PLCD1: variants seen among roughly 807,000 people sequenced by gnomAD.
PLCD1 encodes the protein 1-phosphatidylinositol 4,5-bisphosphate phosphodiesterase delta-1.
In PLCD1, 71 loss-of-function variants were observed where a neutral mutation model predicts 87.4. The ratio of observed to expected loss-of-function variants is 0.81; its 90% CI spans 0.67 to 0.99. The LOEUF (loss-of-function observed/expected upper bound fraction) is 0.99, where lower values mean the gene tolerates loss of function less well. Among genes scored for constraint, PLCD1 ranks in the 50% least tolerant of loss-of-function variants. The pLI is 0.00. For missense variants in PLCD1, 867 were observed against 1,001.5 expected (o/e 0.87, Z 1.81); for synonymous variants, 348 against 399.2 (o/e 0.87, Z 1.53).
chr3:38,015,458 G>A (rs1700141217), intron 3 of PLCD1, among the ~76,000 whole-genome samples: 1 of 152,178 alleles, frequency 6.6e-6, no homozygotes, highest in African/African-American at 2.4e-5. Flanking sequence ...ACTGCTAAGG[G>A]GTACAGTGTT....
chr3:38,008,731 G>T (rs1700011446), intron 11 of PLCD1, 95 bp from the exon 12 acceptor site: 2 of 1,147,916 alleles, frequency 1.7e-6, no homozygotes, highest in Admixed American at 3.7e-5. Flanking sequence ...GGGTCACATG[G>T]TGAGTTAGCA....
intron 1 of PLCD1, among the ~76,000 whole-genome samples, chr3:38,021,497 G>A (rs1387728401): frequency 6.6e-6 from 1 of 152,112 alleles, no homozygotes; most frequent in Non-Finnish European, 1.5e-5. Context: ...CCAAAAGGAC[G>A]CCAGAGCCTT....
intron 5 of PLCD1, among the ~76,000 whole-genome samples, chr3:38,010,854 G>A (rs1045513577): frequency 6.6e-6 from 1 of 152,100 alleles, no homozygotes; most frequent in Admixed American, 6.5e-5. Context: ...TCCAGGGCAG[G>A]GACCCATCTT....
At chr3:38,024,452 T>C in intron 1 of PLCD1, 1 of 1,605,668 alleles carries the variant, frequency 6.2e-7, no homozygotes, top group African/African-American at 1.3e-5. Context: ...ACAGTGCCCC[T>C]GCCTGCGCGG....
At position 38,029,311 on chromosome 3, in the gene PLCD1, C is replaced by T. The variant is rs551075681; in HGVS notation, c.34+195G>A. On this transcript the variant is annotated intron_variant, in intron 1 of 14. Coordinates refer to ENST00000334661, the MANE Select transcript of PLCD1 (RefSeq NM_006225.4). ...GATCTCGGACAAGCCTGGAAACGCC[C>T]AGGGTCGTGCCCGGCAGTCCCACCC... Among the ~76,000 whole-genome samples, 3 of 152,052 alleles carry T rather than the reference C, an allele frequency of 2.0e-5. No individual in the cohort carries two copies. In the East Asian group the frequency reaches 5.8e-4, roughly 30 times the overall value.
chr3:38,024,271 G>A lies in PLCD1; in HGVS notation c.35-3919C>T, dbSNP rs2125551385. 7 of 1,436,044 alleles carry A rather than the reference G, an allele frequency of 4.9e-6. No individual in the cohort carries two copies. In the South Asian group the frequency reaches 7.3e-5, roughly 15 times the overall value. 89.0% of individuals were successfully genotyped at this position (1,436,044 alleles called of 1,614,324 possible). A position where few individuals can be genotyped will look rare whatever the true frequency, so the allele number is the denominator to read the frequency against. ...ATGGCCCCGCGTTAAGGGACAAGTG[G>A]TCGGCGTCCTGCTCCAGCTGCCTTC... On this transcript the variant is annotated intron_variant, in intron 1 of 14. Transcript: ENST00000334661.
Position 38,008,484 on chromosome 3 carries a change from A to G in PLCD1, c.1876T>C (p.Trp626Arg). 2 of 1,614,148 alleles carry G rather than the reference A, an allele frequency of 1.2e-6. No homozygotes were observed. The highest frequency in any genetic ancestry group is 2.7e-5 in the African/African-American group (2 of 75,068). Residue 626 changes from tryptophan (W) to arginine (R), a missense_variant, in exon 12 of 15, where the codon TGG becomes CGG. Trp to Arg is a moderately radical substitution (Grantham distance 101). Coordinates refer to ENST00000334661, the MANE Select transcript of PLCD1 (RefSeq NM_006225.4). ...NPRALAQGPWWARKRLNIRVI... is the reference protein window; with the variant it reads ...NPRALAQGPWRARKRLNIRVI... ...CTGATGTTGAGCCGCTTCCGTGCCC[A>G]CCAGGGCCCCTGAGCCAGGGCGCGG...
chr3:38,013,435 G>A (rs911213331), intron 3 of PLCD1, among the ~76,000 whole-genome samples: 16 of 151,128 alleles, frequency 1.1e-4, no homozygotes, highest in African/African-American at 3.2e-4. Context: ...GGATGGTCTC[G>A]ATCTCCTGAC....
Position 38,007,592 on chromosome 3 carries a change from T to G in PLCD1, c.*181A>C. The G allele has an allele frequency of 1.4e-6, 1 of 701,988 alleles. No homozygotes were observed. Among genetic ancestry groups the G allele is most frequent in the African/African-American group, 1.7e-5 (1 of 57,290 alleles). 43.5% of individuals were successfully genotyped at this position (701,988 alleles called of 1,614,324 possible). Reference sequence around the variant, plus strand: ...TATTCCTAACGGAATGAAGGACAGCTCCAGGGACTGGGCTAGCTCCTGGTC... The same window carrying G: ...TATTCCTAACGGAATGAAGGACAGCGCCAGGGACTGGGCTAGCTCCTGGTC... On this transcript the variant is annotated 3_prime_UTR_variant, in exon 15 of 15. Coordinates refer to ENST00000334661, the MANE Select transcript of PLCD1 (RefSeq NM_006225.4).
intron 1 of PLCD1, chr3:38,024,076 G>A (rs1488796133): frequency 2.0e-6 from 1 of 492,160 alleles, no homozygotes; most frequent in East Asian, 3.4e-5. Context: ...ACAGGAAGGC[G>A]TCGGGTGACA....
At position 38,007,812 on chromosome 3, in the gene PLCD1, T is replaced by C; in HGVS notation, c.2232A>G (p.Pro744=). ...HLMSKNGDQH[P]SATLFVKISL... Reference sequence around the variant, plus strand: ...AGATCTTCACAAAGAGGGTGGCTGATGGATGCTGGTCCCCGTTCTTAGACA... The same window carrying C: ...AGATCTTCACAAAGAGGGTGGCTGACGGATGCTGGTCCCCGTTCTTAGACA... The change falls in exon 15 of 15, where the codon CCA becomes CCG. Residue 744 remains proline, a synonymous_variant. Transcript: ENST00000334661. The C allele has an allele frequency of 6.2e-7, 1 of 1,614,200 alleles. No individual in the cohort carries two copies.
rs1373665569 is a variant in PLCD1, at chr3:38,020,400, G to C, written c.35-48C>G. On this transcript the variant is annotated intron_variant, in intron 1 of 14. Transcript: ENST00000334661. Reference sequence around the variant, plus strand: ...TGCCACCTTCTCCACTAGTTTCCCTGATGCCCTAGGCCTCACACTGGCCAT... The same window carrying C: ...TGCCACCTTCTCCACTAGTTTCCCTCATGCCCTAGGCCTCACACTGGCCAT... The C allele has an allele frequency of 2.5e-6, 4 of 1,581,134 alleles. No homozygotes were observed. In the African/African-American group the frequency reaches 5.4e-5, roughly 21 times the overall value.
intron 1 of PLCD1, among the ~76,000 whole-genome samples, chr3:38,021,652 G>A (rs1255463486): frequency 6.6e-6 from 1 of 152,224 alleles, no homozygotes; most frequent in African/African-American, 2.4e-5. Flanking sequence ...CCAGCAGCCA[G>A]CTCTATTGAG....
intron 3 of PLCD1, among the ~76,000 whole-genome samples, chr3:38,014,373 C>T: frequency 6.6e-6 from 1 of 151,982 alleles, no homozygotes; most frequent in African/African-American, 2.4e-5. Context: ...GGTGCAAGGA[C>T]AGACATATAG....
chr3:38,029,458 G>T (rs1055310896), intron 1 of PLCD1, 48 bp downstream of exon 1: 63 of 1,512,988 alleles, frequency 4.2e-5, no homozygotes, highest in Non-Finnish European at 5.5e-5. Flanking sequence ...CAGCTTTCCA[G>T]GGGTCCACCC....
In PLCD1 at chr3:38,020,209, G is replaced by A. The variant is rs563968194; in HGVS notation, c.178C>T (p.Arg60Trp). 105 of 1,613,772 alleles carry A rather than the reference G, an allele frequency of 6.5e-5. No homozygotes were observed. The highest frequency in any genetic ancestry group is 8.3e-5 in the Non-Finnish European group (98 of 1,179,966). Reference protein sequence around the residue: ...TIWQESRKVMRTPESQLFSIE... With the variant: ...TIWQESRKVMWTPESQLFSIE... The stretch of plus-strand genomic sequence containing the variant: ...TCACACAGCTGGGACTCCGGGGTCC[G>A]CATGACCTTGCGGGACTCCTGCCAG... The change falls in exon 2 of 15, where the codon CGG becomes TGG. Residue 60 changes from arginine to tryptophan, a missense_variant. Coordinates refer to ENST00000334661, the MANE Select transcript of PLCD1 (RefSeq NM_006225.4).
rs1291562032 is a variant in PLCD1, at chr3:38,018,664, A to C, written c.199+1524T>G. Among the ~76,000 whole-genome samples, 1 of 152,070 alleles carries C rather than the reference A, an allele frequency of 6.6e-6. No individual in the cohort carries two copies. The highest frequency in any genetic ancestry group is 2.4e-5 in the African/African-American group (1 of 41,398). ...TCGGTAGGTAGGTGGGCTCCAGGGA[A>C]TCCCCAGGGCTCAGAGTATAAGATC... is the stretch of plus-strand genomic sequence containing the variant. On this transcript the variant is annotated intron_variant, in intron 2 of 14. Transcript: ENST00000334661. The surrounding 1 kb of genome is among the most constrained non-coding windows in gnomAD (Gnocchi z 5.7).
rs758718703 is a variant in PLCD1, at chr3:38,025,113, A to G, written c.34+4393T>C. Among the ~76,000 whole-genome samples the G allele has an allele frequency of 1.2e-3, 182 of 152,138 alleles. 2 individuals are homozygous for G. Among genetic ancestry groups the G allele is most frequent in the Non-Finnish European group, 1.8e-3 (124 of 67,954 alleles). On this transcript the variant is annotated intron_variant, in intron 1 of 14. Transcript: ENST00000334661. This position sits in a 1 kb window ranked among gnomAD's most constrained non-coding sequence, Gnocchi z 4.0. ...CCAGAGGCGACGTGGAGGCAGAGCCATACCCAGGAAGCAGCCCGGGGGCGG... is the reference window on the plus strand; with the variant it reads ...CCAGAGGCGACGTGGAGGCAGAGCCGTACCCAGGAAGCAGCCCGGGGGCGG...
rs1260336412 is a variant in PLCD1, at chr3:38,020,196, G to A, written c.191C>T (p.Ser64Phe). The change falls in exon 2 of 15, where the codon TCC (serine) becomes TTC (phenylalanine). Residue 64 changes from serine to phenylalanine, a missense_variant. Ser to Phe is a radical substitution (Grantham distance 155, BLOSUM62 -2). Coordinates refer to ENST00000334661, the MANE Select transcript of PLCD1 (RefSeq NM_006225.4). The part of the protein sequence containing the change: ...ESRKVMRTPE[S>F]QLFSIEDIQE... ...GACCCCAGGGCACTCACACAGCTGG[G>A]ACTCCGGGGTCCGCATGACCTTGCG... The A allele has an allele frequency of 1.9e-6, 3 of 1,613,842 alleles. No individual in the cohort carries two copies. Among genetic ancestry groups the A allele is most frequent in the African/African-American group, 2.7e-5 (2 of 75,026 alleles).
Sources: allele counts gnomAD v4.1 joint callset (sites outside exome capture counted in the v4.1 genomes callset), GRCh38; gene constraint gnomAD v4.1.1; non-coding constraint Gnocchi (gnomAD v3.1); transcripts MANE v1.5; gene names NCBI Gene and HGNC (gene_info 2026-07-23, HGNC 2026-07-21).